The following RBFOX1 variants were observed in gnomAD, a reference collection of about 807,000 sequenced individuals.
RBFOX1 encodes the protein RNA binding protein fox-1 homolog 1.
RBFOX1 carries 8 observed loss-of-function variants against 57.7 expected under a neutral mutation model. The observed-to-expected ratio is 0.14, with a 90% CI of 0.08 to 0.25. RBFOX1 has a LOEUF of 0.25. RBFOX1 is among the 10% of genes least tolerant of loss of function. The pLI is 1.00. For missense variants in RBFOX1, 611 were observed against 548.5 expected (o/e 1.11, Z -1.14); for synonymous variants, 326 against 222.4 (o/e 1.47, Z -4.15).
At chr16:5,381,955 C>A (rs530526527) in intron 1 of RBFOX1, among the ~76,000 whole-genome samples, 2 of 152,170 alleles carry the variant, frequency 1.3e-5, no homozygotes, top group Non-Finnish European at 2.9e-5. Context: ...CTTGTGGGAG[C>A]TTTTGTGGCA....
intron 2 of RBFOX1, among the ~76,000 whole-genome samples, chr16:6,576,377 C>G (rs2097436468): frequency 6.6e-6 from 1 of 152,156 alleles, no homozygotes. Flanking sequence ...AAAACCTACG[C>G]AGACATGGGG....
chr16:5,697,437 G>A (rs777702894), intron 3 of RBFOX1, among the ~76,000 whole-genome samples: 2 of 150,618 alleles, frequency 1.3e-5, no homozygotes, highest in African/African-American at 4.9e-5. Flanking sequence ...TATATATTAT[G>A]TAGATGCCAT....
intron 3 of RBFOX1, among the ~76,000 whole-genome samples, chr16:5,661,307 G>A (rs749879701): frequency 3.9e-5 from 6 of 152,126 alleles, no homozygotes; most frequent in Non-Finnish European, 8.8e-5. Flanking sequence ...TGAACATTTT[G>A]TCACCTCTGC....
chr16:7,520,557 G>C (rs953448959), intron 5 of RBFOX1, among the ~76,000 whole-genome samples: 1 of 152,164 alleles, frequency 6.6e-6, no homozygotes, highest in East Asian at 1.9e-4. Flanking sequence ...TGGATAGACC[G>C]TGTTTATTTA....
intron 2 of RBFOX1, among the ~76,000 whole-genome samples, chr16:6,426,901 A>G (rs1436679822): frequency 1.3e-5 from 2 of 152,174 alleles, no homozygotes; most frequent in Non-Finnish European, 2.9e-5. Context: ...TCACGCTGTC[A>G]TCCCTGGAGT....
intron 4 of RBFOX1, among the ~76,000 whole-genome samples, chr16:7,482,716 G>T: frequency 6.6e-6 from 1 of 151,866 alleles, no homozygotes; most frequent in East Asian, 1.9e-4. Context: ...CCACAATGAT[G>T]AAGGAATTTT....
At chr16:5,423,567 CTGAGGCCATTGCTGCGTGTCTG>C (rs1452096474) in intron 1 of RBFOX1, among the ~76,000 whole-genome samples, 7 of 152,266 alleles carry the variant, frequency 4.6e-5, no homozygotes, top group Non-Finnish European at 7.4e-5. Context: ...CTGCGTGTCT[CTGAGGCCATTGCTGCGTGTCTG>C]TGAGGCCATT....
intron 2 of RBFOX1, among the ~76,000 whole-genome samples, chr16:6,506,040 G>A (rs1044678714): frequency 6.6e-6 from 1 of 152,172 alleles, no homozygotes; most frequent in Non-Finnish European, 1.5e-5. Context: ...CTAAAGGAAA[G>A]ATTCCTGATT....
chr16:6,826,566 G>C (rs1171383944), intron 3 of RBFOX1, among the ~76,000 whole-genome samples: 2 of 152,098 alleles, frequency 1.3e-5, no homozygotes, highest in Admixed American at 6.5e-5. Context: ...GCGGGCATGC[G>C]TGCTCTCACG....
intron 1 of RBFOX1, among the ~76,000 whole-genome samples, chr16:5,411,656 T>C (rs375059363): frequency 6.6e-6 from 1 of 152,164 alleles, no homozygotes; most frequent in African/African-American, 2.4e-5. Context: ...TCCCAAGACT[T>C]TGGGAGGCCG....
At chr16:7,201,271 C>T (rs1398942605) in intron 4 of RBFOX1, among the ~76,000 whole-genome samples, 1 of 152,080 alleles carries the variant, frequency 6.6e-6, no homozygotes, top group African/African-American at 2.4e-5. Context: ...CACAGCATAG[C>T]AGAGAAACAA....
intron 1 of RBFOX1, among the ~76,000 whole-genome samples, chr16:5,317,207 C>G (rs548890116): frequency 2.0e-5 from 3 of 152,286 alleles, no homozygotes; most frequent in African/African-American, 4.8e-5. Context: ...CTCTCTCTCT[C>G]TCTCTCAATC....
chr16:5,474,577 C>T (rs1017996437), intron 2 of RBFOX1, among the ~76,000 whole-genome samples: 2 of 152,034 alleles, frequency 1.3e-5, no homozygotes, highest in Non-Finnish European at 2.9e-5. Flanking sequence ...TCTCTTGAAC[C>T]CAGGAGGCAG....
intron 2 of RBFOX1, among the ~76,000 whole-genome samples, chr16:6,489,089 G>A (rs570627278): frequency 6.6e-6 from 1 of 152,082 alleles, no homozygotes; most frequent in Non-Finnish European, 1.5e-5. Context: ...GGCATGGGTC[G>A]TTGTGATTTA....
At position 6,140,346 on chromosome 16, in the gene RBFOX1, C is replaced by T. The variant is rs1361862851; in HGVS notation, c.-127+120354C>T. Among the ~76,000 whole-genome samples, 4 of 152,222 alleles carry T rather than the reference C, an allele frequency of 2.6e-5. No homozygotes were observed. In the East Asian group the frequency reaches 5.8e-4, roughly 22 times the overall value. ...AGCTGGGATTACAGGCATGTGCCAT[C>T]ATGCATGGCTAATTTTTTAATATTT... On this transcript the variant is annotated intron_variant, in intron 1 of 15. Coordinates refer to ENST00000550418, the MANE Select transcript of RBFOX1 (RefSeq NM_018723.4).
At chr16:6,992,351 G>A (rs2091623147) in intron 3 of RBFOX1, among the ~76,000 whole-genome samples, 1 of 151,922 alleles carries the variant, frequency 6.6e-6, no homozygotes, top group Admixed American at 6.6e-5. Context: ...CCCAGTAGCT[G>A]GGACTACAGG....
chr16:6,372,115 GT>G, intron 2 of RBFOX1, among the ~76,000 whole-genome samples: 3 of 151,736 alleles, frequency 2.0e-5, no homozygotes, highest in Non-Finnish European at 4.4e-5. Flanking sequence ...CGATGGAAAA[GT>G]ATAGTTGGGT....
intron 3 of RBFOX1, among the ~76,000 whole-genome samples, chr16:5,825,323 G>A (rs1271448626): frequency 6.6e-6 from 1 of 152,238 alleles, no homozygotes; most frequent in Non-Finnish European, 1.5e-5. Context: ...GCAGGGTACT[G>A]CAGGGACCTC....
chr16:7,506,927 A>T (rs924688430), intron 4 of RBFOX1, among the ~76,000 whole-genome samples: 1 of 152,178 alleles, frequency 6.6e-6, no homozygotes, highest in Non-Finnish European at 1.5e-5. Context: ...GATCAGTTTT[A>T]TCCCCACAGT....
Sources: allele counts gnomAD v4.1 joint callset (sites outside exome capture counted in the v4.1 genomes callset), GRCh38; gene constraint gnomAD v4.1.1; transcripts MANE v1.5; gene names NCBI Gene and HGNC (gene_info 2026-07-23, HGNC 2026-07-21).